The following PCDH11X variants were observed in gnomAD, a reference collection of about 807,000 sequenced individuals.
The protein encoded by PCDH11X is protocadherin-11 X-linked.
Under a neutral mutation model 53.3 loss-of-function variants are expected in PCDH11X, and 18 were observed. The observed-to-expected ratio is 0.34, with a 90% CI of 0.23 to 0.50. The LOEUF is 0.50. Ranked by LOEUF, PCDH11X falls within the 20% of genes least tolerant of loss-of-function variation. The pLI is 0.98. For synonymous variants in PCDH11X, 279 were observed against 393.3 expected (o/e 0.71, Z 3.44); for missense variants, 570 against 1,032.4 (o/e 0.55, Z 6.14).
At chrX:92,037,054 T>G (rs1352588496) in intron 6 of PCDH11X, among the ~76,000 whole-genome samples, 1 of 112,078 alleles carries the variant, frequency 8.9e-6, no homozygotes, top group African/African-American at 3.3e-5. Context: ...TATTTCATTT[T>G]ATTTTATTTT....
At chrX:91,812,039 T>C (rs1215922982) in intron 4 of PCDH11X, among the ~76,000 whole-genome samples, 3 of 109,219 alleles carry the variant, frequency 2.7e-5, no homozygotes, top group Non-Finnish European at 3.8e-5. Context: ...TTTTGATTTA[T>C]TCAAAAATCA....
At chrX:91,847,145 T>TTGTGTG (rs754247208) in intron 5 of PCDH11X, among the ~76,000 whole-genome samples, 47 of 106,919 alleles carry the variant, frequency 4.4e-4, no homozygotes, top group African/African-American at 1.6e-3. Context: ...TTTGTGTCCT[T>TTGTGTG]TGTGTGTGTG....
intron 6 of PCDH11X, among the ~76,000 whole-genome samples, chrX:92,086,508 A>G (rs2063953571): frequency 9.0e-6 from 1 of 111,262 alleles, no homozygotes; most frequent in Admixed American, 9.7e-5. Context: ...AGTGTTTATG[A>G]AACGTTTGTC....
At chrX:92,532,183 G>A (rs772427747) in intron 10 of PCDH11X, among the ~76,000 whole-genome samples, 12 of 111,369 alleles carry the variant, frequency 1.1e-4, no homozygotes, top group African/African-American at 3.9e-4. Context: ...CCTAGAGAAG[G>A]AGAGAGAGGA....
intron 6 of PCDH11X, among the ~76,000 whole-genome samples, chrX:92,024,731 A>AC (rs2062941879): frequency 9.2e-6 from 1 of 108,233 alleles, no homozygotes; most frequent in African/African-American, 3.3e-5. Flanking sequence ...AAAAAAAAAA[A>AC]AAAAAACAAA....
intron 9 of PCDH11X, among the ~76,000 whole-genome samples, chrX:92,392,015 C>A (rs1363763936): frequency 5.4e-5 from 6 of 110,834 alleles, no homozygotes; most frequent in Non-Finnish European, 1.1e-4. Flanking sequence ...TTCAACTGAA[C>A]AAGTTATGTC....
chrX:92,465,402 A>G (rs1375235529), intron 9 of PCDH11X, among the ~76,000 whole-genome samples: 1 of 112,190 alleles, frequency 8.9e-6, no homozygotes, highest in African/African-American at 3.2e-5. Flanking sequence ...ATTTATTCCA[A>G]GAAATAACAC....
chrX:92,065,538 C>G (rs975284914), intron 6 of PCDH11X, among the ~76,000 whole-genome samples: 8 of 111,574 alleles, frequency 7.2e-5, no homozygotes, highest in African/African-American at 9.8e-5. Context: ...TATTGCCTGA[C>G]TTTTGGATAA....
chrX:92,055,923 C>G (rs1341863373), intron 6 of PCDH11X, among the ~76,000 whole-genome samples: 1 of 110,694 alleles, frequency 9.0e-6, no homozygotes, highest in Non-Finnish European at 1.9e-5. Flanking sequence ...TATATATGTA[C>G]CACATTTTCT....
intron 6 of PCDH11X, among the ~76,000 whole-genome samples, chrX:92,040,681 T>TTG (rs58763237): frequency 0.031 from 3,500 of 111,138 alleles, 139 homozygotes; most frequent in African/African-American, 0.11. Flanking sequence ...ACATTGCTTT[T>TTG]TGTGTGTGTG....
chrX:91,971,189 C>T (rs1200595436), intron 6 of PCDH11X, among the ~76,000 whole-genome samples: 10 of 110,563 alleles, frequency 9.0e-5, no homozygotes, highest in African/African-American at 3.3e-4. Flanking sequence ...TGATCTTCTT[C>T]TTCAAAAGGA....
At chrX:92,106,830 G>C (rs1175567063) in intron 6 of PCDH11X, among the ~76,000 whole-genome samples, 1 of 111,678 alleles carries the variant, frequency 9.0e-6, no homozygotes, top group African/African-American at 3.3e-5. Context: ...TCTTGGCCAA[G>C]GGCATTCCAC....
At chrX:92,572,203 T>C in intron 10 of PCDH11X, among the ~76,000 whole-genome samples, 1 of 112,238 alleles carries the variant, frequency 8.9e-6, no homozygotes, top group East Asian at 2.8e-4. Flanking sequence ...AACTTCTTAT[T>C]GCAAATTATA....
Position 92,516,001 on chromosome X carries a change from A to C in PCDH11X, c.3367+47679A>C, listed in dbSNP as rs766186618. On this transcript the variant is annotated intron_variant, in intron 10 of 10. Coordinates refer to ENST00000682573, the MANE Select transcript of PCDH11X (RefSeq NM_032968.5). ...AATGGGTATAGTTCATATCGTGTTC[A>C]AATAAAGAGGAAAGACTCATAGACC... 2.7e-5 allele frequency among the ~76,000 whole-genome samples: 3 copies of C among 112,153 alleles called. No individual in the cohort carries two copies. In the South Asian group the frequency reaches 1.1e-3, roughly 41 times the overall value.
chrX:92,518,481 G>A (rs1323311233), intron 10 of PCDH11X, among the ~76,000 whole-genome samples: 1 of 111,766 alleles, frequency 8.9e-6, no homozygotes, highest in African/African-American at 3.2e-5. Flanking sequence ...ACTTAACTGA[G>A]TCAATTTATC....
intron 8 of PCDH11X, among the ~76,000 whole-genome samples, chrX:92,357,133 A>T (rs1396125870): frequency 3.1e-4 from 23 of 74,584 alleles, no homozygotes; most frequent in Middle Eastern, 8.1e-3. Flanking sequence ...TTTTTTTTAA[A>T]AAAAAGCCTG....
chrX:92,427,146 G>A (rs1409837749), intron 9 of PCDH11X, among the ~76,000 whole-genome samples: 1 of 110,994 alleles, frequency 9.0e-6, no homozygotes, highest in Admixed American at 9.7e-5. Flanking sequence ...TAGTGAAGTG[G>A]GAGAAAGTTG....
At chrX:92,278,442 G>A (rs1022111771) in intron 8 of PCDH11X, among the ~76,000 whole-genome samples, 1 of 111,552 alleles carries the variant, frequency 9.0e-6, no homozygotes, top group East Asian at 2.9e-4. Context: ...GGGTGCAGGC[G>A]GGCTGAGTCC....
At chrX:92,520,055 C>T (rs2074341370) in intron 10 of PCDH11X, among the ~76,000 whole-genome samples, 1 of 106,737 alleles carries the variant, frequency 9.4e-6, no homozygotes, top group Non-Finnish European at 1.9e-5. Flanking sequence ...ATTCCAAGTA[C>T]AGGAAAAATG....
Sources: allele counts gnomAD v4.1 joint callset (sites outside exome capture counted in the v4.1 genomes callset), GRCh38; gene constraint gnomAD v4.1.1; transcripts MANE v1.5; gene names NCBI Gene and HGNC (gene_info 2026-07-23, HGNC 2026-07-21).